The following CTNND2 variants were observed in gnomAD, a reference collection of about 807,000 sequenced individuals.
The protein encoded by CTNND2 is catenin delta-2.
CTNND2 carries 22 observed loss-of-function variants against 144.4 expected under a neutral mutation model. That is an observed-to-expected ratio of 0.15 (90% CI 0.11 to 0.22). The LOEUF (loss-of-function observed/expected upper bound fraction) is 0.22, where lower values mean the gene tolerates loss of function less well. Among genes scored for constraint, CTNND2 ranks in the 10% least tolerant of loss-of-function variants. CTNND2 has a pLI of 1.00. For synonymous variants in CTNND2, 751 were observed against 695.6 expected (o/e 1.08, Z -1.25); for missense variants, 1,353 against 1,618.8 (o/e 0.84, Z 2.82).
chr5:11,211,750 C>T (rs145787546), intron 10 of CTNND2, among the ~76,000 whole-genome samples: 1 of 152,276 alleles, frequency 6.6e-6, no homozygotes, highest in African/African-American at 2.4e-5. Flanking sequence ...AAAATAACAT[C>T]TTTCTAAAAT....
chr5:11,706,094 G>T (rs1255783801), intron 2 of CTNND2, among the ~76,000 whole-genome samples: 1 of 152,118 alleles, frequency 6.6e-6, no homozygotes, highest in East Asian at 1.9e-4. Context: ...AGACCTGGAG[G>T]TCTGAACAAA....
At chr5:11,382,137 A>T (rs1758550415) in intron 7 of CTNND2, among the ~76,000 whole-genome samples, 1 of 152,154 alleles carries the variant, frequency 6.6e-6, no homozygotes, top group Non-Finnish European at 1.5e-5. Flanking sequence ...AAAGTTGGAA[A>T]TTATATATTA....
chr5:11,044,145 C>T (rs974116047), intron 16 of CTNND2, among the ~76,000 whole-genome samples: 1 of 152,092 alleles, frequency 6.6e-6, no homozygotes, highest in Non-Finnish European at 1.5e-5. Context: ...AATGAGGTAC[C>T]GTGACAGGAG....
chr5:11,865,475 A>G lies in CTNND2; in HGVS notation c.37+38342T>C, dbSNP rs1795717876. 2.0e-5 allele frequency among the ~76,000 whole-genome samples: 3 copies of G among 152,274 alleles called. No homozygotes were observed. In the East Asian group the frequency reaches 5.8e-4, roughly 29 times the overall value. On this transcript the variant is annotated intron_variant, in intron 1 of 21. Coordinates refer to ENST00000304623, the MANE Select transcript of CTNND2 (RefSeq NM_001332.4). The stretch of plus-strand genomic sequence containing the variant: ...AATTACTAAAGGAGAATAACTGTCA[A>G]CCTCTTTCGGTGTCAATTAACTAAA...
chr5:11,039,418 A>G (rs745859441), intron 16 of CTNND2, among the ~76,000 whole-genome samples: 1 of 152,184 alleles, frequency 6.6e-6, no homozygotes, highest in Non-Finnish European at 1.5e-5. Context: ...CCTTTCACAC[A>G]GTGGACGATG....
At chr5:11,151,846 G>A (rs1238170417) in intron 12 of CTNND2, among the ~76,000 whole-genome samples, 2 of 152,134 alleles carry the variant, frequency 1.3e-5, no homozygotes, top group African/African-American at 2.4e-5. Flanking sequence ...TAGTGTTTGG[G>A]AAGAAATTAT....
intron 2 of CTNND2, among the ~76,000 whole-genome samples, chr5:11,630,438 A>G (rs778855199): frequency 6.6e-5 from 10 of 152,156 alleles, no homozygotes; most frequent in Admixed American, 2.0e-4. Flanking sequence ...TATTTCCCCA[A>G]TTCTTGACAG....
chr5:11,803,288 C>G (rs1193874622), intron 1 of CTNND2, among the ~76,000 whole-genome samples: 2 of 151,732 alleles, frequency 1.3e-5, no homozygotes, highest in African/African-American at 4.8e-5. Context: ...CCACTGCACT[C>G]CAGCCTGGCA....
chr5:11,480,875 C>A lies in CTNND2; in HGVS notation c.288-68806G>T, dbSNP rs146692764. ...TTGTGTTGTTTCTTTCCAAATGTTACTATGGAAAATGAGTGTAGAGGGTAG... is the reference window on the plus strand; with the variant it reads ...TTGTGTTGTTTCTTTCCAAATGTTAATATGGAAAATGAGTGTAGAGGGTAG... On this transcript the variant is annotated intron_variant, in intron 3 of 21. Transcript: ENST00000304623. 6.6e-5 allele frequency among the ~76,000 whole-genome samples: 10 copies of A among 152,122 alleles called. No homozygotes were observed. In the East Asian group the frequency reaches 1.9e-3, roughly 29 times the overall value.
intron 9 of CTNND2, among the ~76,000 whole-genome samples, chr5:11,270,268 A>G (rs1745862042): frequency 6.6e-6 from 1 of 152,112 alleles, no homozygotes; most frequent in Non-Finnish European, 1.5e-5. Context: ...ACACACACAC[A>G]TATATAATAT....
At chr5:11,337,741 G>A (rs562265250) in intron 9 of CTNND2, among the ~76,000 whole-genome samples, 181 of 152,028 alleles carry the variant, frequency 1.2e-3, no homozygotes, top group Middle Eastern at 3.4e-3. Context: ...TTTTTAATGT[G>A]TTATCACTGT....
At chr5:11,370,743 C>T (rs1399474278) in intron 7 of CTNND2, among the ~76,000 whole-genome samples, 2 of 152,114 alleles carry the variant, frequency 1.3e-5, no homozygotes, top group African/African-American at 4.8e-5. Context: ...TAACTGGTGT[C>T]TTCAAATTTA....
At chr5:11,846,379 T>C (rs535560647) in intron 1 of CTNND2, among the ~76,000 whole-genome samples, 4 of 152,264 alleles carry the variant, frequency 2.6e-5, no homozygotes, top group African/African-American at 9.6e-5. Context: ...TAGAAGTAAC[T>C]GTATATCCAC....
intron 16 of CTNND2, among the ~76,000 whole-genome samples, chr5:11,048,576 A>T (rs10474907): frequency 0.024 from 3,637 of 152,268 alleles, 160 homozygotes; most frequent in African/African-American, 0.083. Flanking sequence ...TAACTTAAAC[A>T]GTTGAGCCAT....
chr5:11,607,796 C>T (rs1006277895), intron 2 of CTNND2, among the ~76,000 whole-genome samples: 5 of 152,164 alleles, frequency 3.3e-5, no homozygotes, highest in South Asian at 2.1e-4. Flanking sequence ...TCTGTGAACA[C>T]GGCAGGTATC....
chr5:11,692,290 T>C (rs1338607911), intron 2 of CTNND2, among the ~76,000 whole-genome samples: 1 of 152,210 alleles, frequency 6.6e-6, no homozygotes, highest in Non-Finnish European at 1.5e-5. Context: ...AAAAAAATTT[T>C]AAAAAGTAAA....
chr5:11,245,696 T>G (rs1333591592), intron 9 of CTNND2, among the ~76,000 whole-genome samples: 4 of 152,200 alleles, frequency 2.6e-5, no homozygotes, highest in African/African-American at 9.7e-5. Context: ...GTGTGTTGTT[T>G]TAAGCCACCA....
chr5:11,507,321 G>A (rs557047114), intron 3 of CTNND2, among the ~76,000 whole-genome samples: 24 of 152,248 alleles, frequency 1.6e-4, no homozygotes, highest in African/African-American at 5.5e-4. Flanking sequence ...AGGCCAAATG[G>A]AAAAATACCA....
chr5:11,195,646 A>T (rs1003191951), intron 11 of CTNND2, among the ~76,000 whole-genome samples: 1 of 152,246 alleles, frequency 6.6e-6, no homozygotes, highest in Non-Finnish European at 1.5e-5. Context: ...AGCTCTCAAG[A>T]CACGTGCTTT....
Sources: gnomAD v4.1 joint callset for allele counts (sites outside exome capture counted in the v4.1 genomes callset) on GRCh38, gnomAD v4.1.1 for gene constraint, MANE v1.5 for transcripts, NCBI Gene and HGNC (gene_info 2026-07-23, HGNC 2026-07-21) for gene names.